The following DSCAM variants were observed in gnomAD, a reference collection of about 807,000 sequenced individuals.
DSCAM encodes DS cell adhesion molecule, also known as cell adhesion molecule DSCAM.
A neutral mutation model predicts 217.7 loss-of-function variants in DSCAM; 47 were observed. The observed-to-expected ratio is 0.22, with a 90% CI of 0.17 to 0.28. The LOEUF is 0.28. DSCAM is among the 10% of genes least tolerant of loss of function. DSCAM has a pLI of 1.00. For missense variants in DSCAM, 2,080 were observed against 2,618.3 expected (o/e 0.79, Z 4.49); for synonymous variants, 1,056 against 1,015.3 (o/e 1.04, Z -0.76).
At chr21:40,634,426 C>CT (rs2089729151) in intron 3 of DSCAM, among the ~76,000 whole-genome samples, 1 of 152,190 alleles carries the variant, frequency 6.6e-6, no homozygotes, top group Non-Finnish European at 1.5e-5. Flanking sequence ...TGCAGTGGTA[C>CT]TACACTCCCA....
chr21:40,025,709 G>C (rs2088365874), intron 32 of DSCAM, among the ~76,000 whole-genome samples: 1 of 150,982 alleles, frequency 6.6e-6, no homozygotes, highest in Non-Finnish European at 1.5e-5. Context: ...TGTGGGATTG[G>C]TGGTGATGTC....
At chr21:40,457,342 T>C (rs1417860702) in intron 3 of DSCAM, among the ~76,000 whole-genome samples, 1 of 151,784 alleles carries the variant, frequency 6.6e-6, no homozygotes, top group African/African-American at 2.4e-5. Flanking sequence ...TGAAACTCCA[T>C]CTCTACCAAA....
intron 3 of DSCAM, among the ~76,000 whole-genome samples, chr21:40,646,106 C>T (rs113065483): frequency 5.9e-5 from 9 of 152,224 alleles, no homozygotes; most frequent in African/African-American, 2.2e-4. Flanking sequence ...CAGGGTGGAA[C>T]ATAAGGCCTA....
intron 3 of DSCAM, among the ~76,000 whole-genome samples, chr21:40,407,861 A>G (rs890590657): frequency 1.3e-5 from 2 of 152,212 alleles, no homozygotes; most frequent in Non-Finnish European, 2.9e-5. Flanking sequence ...ATCTTGAGTA[A>G]TAACTTTCTG....
intron 5 of DSCAM, among the ~76,000 whole-genome samples, chr21:40,348,570 T>C (rs113736620): frequency 2.7e-5 from 4 of 150,632 alleles, no homozygotes; most frequent in African/African-American, 7.3e-5. Flanking sequence ...CTAACAGTTC[T>C]TATCAGCCAC....
At chr21:40,047,613 G>C (rs553190138) in intron 30 of DSCAM, among the ~76,000 whole-genome samples, 2 of 152,266 alleles carry the variant, frequency 1.3e-5, no homozygotes, top group East Asian at 3.9e-4. Flanking sequence ...CATGTCATGC[G>C]TACTGTGATC....
chr21:40,139,323 T>G (rs2090260027), intron 18 of DSCAM, among the ~76,000 whole-genome samples: 1 of 152,036 alleles, frequency 6.6e-6, no homozygotes, highest in Non-Finnish European at 1.5e-5. Flanking sequence ...GTTTTATACA[T>G]TTTAGGGAGA....
intron 1 of DSCAM, among the ~76,000 whole-genome samples, chr21:40,774,535 T>A (rs2091472161): frequency 6.6e-6 from 1 of 152,238 alleles, no homozygotes; most frequent in African/African-American, 2.4e-5. Context: ...ATGTGTCTCA[T>A]AACCTGCAGA....
At chr21:40,432,273 C>T (rs1353970926) in intron 3 of DSCAM, among the ~76,000 whole-genome samples, 1 of 148,534 alleles carries the variant, frequency 6.7e-6, no homozygotes, top group Non-Finnish European at 1.5e-5. Context: ...AGGCTAAAAT[C>T]AAGGTGTTGG....
chr21:40,338,932 A>G (rs879722897), intron 7 of DSCAM, among the ~76,000 whole-genome samples, 187 bp downstream of exon 7: 1 of 152,252 alleles, frequency 6.6e-6, no homozygotes, highest in African/African-American at 2.4e-5. Flanking sequence ...GACTACAGAA[A>G]CCAAAATGCC....
chr21:40,472,288 T>C (rs1253978242), intron 3 of DSCAM, among the ~76,000 whole-genome samples: 1 of 152,230 alleles, frequency 6.6e-6, no homozygotes, highest in Non-Finnish European at 1.5e-5. Context: ...GAACAGATGA[T>C]GTCACATTTT....
At chr21:40,787,806 G>A (rs1048366072) in intron 1 of DSCAM, among the ~76,000 whole-genome samples, 1 of 145,118 alleles carries the variant, frequency 6.9e-6, no homozygotes, top group East Asian at 1.9e-4. Context: ...TTCGAGGTCA[G>A]ACCCACAAAA....
chr21:40,495,889 A>T (rs2076114405), intron 3 of DSCAM, among the ~76,000 whole-genome samples: 1 of 152,164 alleles, frequency 6.6e-6, no homozygotes, highest in Admixed American at 6.5e-5. Context: ...TCTAACAATG[A>T]ACTATCCAAA....
chr21:40,400,104 C>G (rs894130416), intron 3 of DSCAM, among the ~76,000 whole-genome samples: 10 of 152,260 alleles, frequency 6.6e-5, no homozygotes, highest in Middle Eastern at 3.4e-3. Context: ...CCGGGAGCAC[C>G]TTCCTCCCGT....
chr21:40,254,789 C>T (rs73368173), intron 11 of DSCAM, among the ~76,000 whole-genome samples: 5,913 of 152,150 alleles, frequency 0.039, 347 homozygotes, highest in East Asian at 0.22. Context: ...TTCCAGCACA[C>T]AGATCCCTGC....
intron 3 of DSCAM, among the ~76,000 whole-genome samples, chr21:40,420,357 G>A (rs557076340): frequency 1.3e-4 from 20 of 152,084 alleles, no homozygotes; most frequent in East Asian, 5.8e-4. Context: ...TTCTTTATCC[G>A]TATCAAAAGC....
At chr21:40,805,996 C>A (rs1007772767) in intron 1 of DSCAM, among the ~76,000 whole-genome samples, 3 of 152,164 alleles carry the variant, frequency 2.0e-5, no homozygotes, top group African/African-American at 7.2e-5. Flanking sequence ...ACATGAGCCA[C>A]CGCACCTGGC....
At chr21:40,680,316 A>C (rs2090386287) in intron 3 of DSCAM, among the ~76,000 whole-genome samples, 1 of 152,128 alleles carries the variant, frequency 6.6e-6, no homozygotes, top group African/African-American at 2.4e-5. Flanking sequence ...GCTATGTTCC[A>C]ATTCATGGAG....
rs577891367 is a variant in DSCAM at position 40,798,449 on chromosome 21, C to T, written c.43+48170G>A. ...AATGACCTTTGAAGATTATACATACCTTTTAAAAATTAATAAGCCTAGCAT... is the reference window on the plus strand; with the variant it reads ...AATGACCTTTGAAGATTATACATACTTTTTAAAAATTAATAAGCCTAGCAT... On this transcript the variant is annotated intron_variant, in intron 1 of 32. Transcript: ENST00000400454. Among the ~76,000 whole-genome samples the T allele has an allele frequency of 3.4e-4, 51 of 152,062 alleles. 1 individual carries two copies. Among genetic ancestry groups the T allele is most frequent in the African/African-American group, 1.2e-3 (51 of 41,508 alleles).
Sources: gnomAD v4.1 joint callset for allele counts (sites outside exome capture counted in the v4.1 genomes callset) on GRCh38, gnomAD v4.1.1 for gene constraint, MANE v1.5 for transcripts, NCBI Gene and HGNC (gene_info 2026-07-23, HGNC 2026-07-21) for gene names.